The following IL1RAP variants were observed in gnomAD, a reference collection of about 807,000 sequenced individuals.
IL1RAP encodes the protein interleukin 1 receptor accessory protein.
In IL1RAP, 35 loss-of-function variants were observed where a neutral mutation model predicts 60.7. That is an observed-to-expected ratio of 0.58 (90% CI 0.44 to 0.76). The LOEUF is 0.76. Ranked by LOEUF, IL1RAP falls within the 30% of genes least tolerant of loss-of-function variation. The pLI is 0.00. For missense variants in IL1RAP, 572 were observed against 693.9 expected (o/e 0.82, Z 1.97); for synonymous variants, 268 against 250.9 (o/e 1.07, Z -0.64).
chr3:190,576,118 TGAA>T (rs1727421000), intron 3 of IL1RAP, among the ~76,000 whole-genome samples: 1 of 152,184 alleles, frequency 6.6e-6, no homozygotes, highest in East Asian at 1.9e-4. Context: ...AAATCGCAGT[TGAA>T]TTAAATATTT....
intron 3 of IL1RAP, among the ~76,000 whole-genome samples, chr3:190,572,867 T>TTTTTTTG (rs1427666448): frequency 3.2e-5 from 1 of 31,458 alleles, no homozygotes; most frequent in Non-Finnish European, 7.3e-5. Flanking sequence ...TTGTTTTTTT[T>TTTTTTTG]TTTTTTTTTT....
intron 1 of IL1RAP, among the ~76,000 whole-genome samples, chr3:190,519,764 T>A (rs1172454581): frequency 6.6e-6 from 1 of 152,176 alleles, no homozygotes; most frequent in East Asian, 1.9e-4. Flanking sequence ...ATTATTATTT[T>A]TTTTACTGTG....
At chr3:190,581,835 AC>A (rs1577652988) in intron 3 of IL1RAP, among the ~76,000 whole-genome samples, 1 of 152,220 alleles carries the variant, frequency 6.6e-6, no homozygotes, top group African/African-American at 2.4e-5. Context: ...ATGGTGAAGA[AC>A]AAATAGTCCC....
intron 3 of IL1RAP, among the ~76,000 whole-genome samples, chr3:190,575,823 C>T (rs556787124): frequency 6.6e-6 from 1 of 152,344 alleles, no homozygotes; most frequent in South Asian, 2.1e-4. Flanking sequence ...GTATGGCGGA[C>T]AAGGTCCTCT....
intron 2 of IL1RAP, among the ~76,000 whole-genome samples, chr3:190,559,020 T>G (rs1224337367): frequency 6.6e-6 from 1 of 152,208 alleles, no homozygotes; most frequent in Non-Finnish European, 1.5e-5. Flanking sequence ...AGCAGTATTG[T>G]GTTCCTTTCT....
intron 1 of IL1RAP, among the ~76,000 whole-genome samples, chr3:190,521,197 A>G (rs1721986281): frequency 1.3e-5 from 2 of 152,208 alleles, no homozygotes; most frequent in Admixed American, 6.5e-5. Flanking sequence ...CTAAATTAGA[A>G]AAAGAAAGAT....
In IL1RAP at chr3:190,650,177, A is replaced by G; in HGVS notation, c.*1472A>G. ...TGTCCAGTTTTTAAATTATGTTTTT[A>G]CTGGAATGTTTTTGTGTCAGTGTTT... is the stretch of plus-strand genomic sequence containing the variant. On this transcript the variant is annotated 3_prime_UTR_variant, in exon 12 of 12. Coordinates refer to ENST00000447382, the MANE Select transcript of IL1RAP (RefSeq NM_002182.4). 1.0e-6 allele frequency: 1 copy of G among 984,560 alleles called. No individual in the cohort carries two copies. Among genetic ancestry groups the G allele is most frequent in the Non-Finnish European group, 1.2e-6 (1 of 829,198 alleles). 61.0% of individuals were successfully genotyped at this position (984,560 alleles called of 1,614,324 possible).
intron 3 of IL1RAP, among the ~76,000 whole-genome samples, chr3:190,577,779 G>A (rs983446885): frequency 1.3e-5 from 2 of 152,082 alleles, no homozygotes; most frequent in Admixed American, 6.5e-5. Flanking sequence ...AGATCCTCCT[G>A]AGTGATCTTC....
intron 9 of IL1RAP, chr3:190,630,052 TTA>T (rs1380884488): frequency 2.1e-5 from 17 of 799,760 alleles, no homozygotes; most frequent in Non-Finnish European, 1.5e-6. Flanking sequence ...ATGCAACTAA[TTA>T]AGGTATTGAA....
chr3:190,606,857 G>A (rs1460058801), intron 4 of IL1RAP, among the ~76,000 whole-genome samples: 4 of 151,984 alleles, frequency 2.6e-5, no homozygotes, highest in Non-Finnish European at 5.9e-5. Flanking sequence ...AGTTAGTTTC[G>A]TCTTTCAGTA....
intron 3 of IL1RAP, among the ~76,000 whole-genome samples, chr3:190,591,556 G>A (rs1459383926): frequency 6.6e-6 from 1 of 152,164 alleles, no homozygotes; most frequent in Non-Finnish European, 1.5e-5. Context: ...CCTGAGGCCT[G>A]TATTTTCTGG....
chr3:190,537,149 GACAGAA>G (rs1645047618), intron 1 of IL1RAP, among the ~76,000 whole-genome samples: 1 of 152,118 alleles, frequency 6.6e-6, no homozygotes, highest in South Asian at 2.1e-4. Flanking sequence ...TGCTGATTTG[GACAGAA>G]ACAGAAACAA....
chr3:190,563,952 G>A (rs1726138709), intron 2 of IL1RAP: 1 of 204,088 alleles, frequency 4.9e-6, no homozygotes, highest in Non-Finnish European at 1.0e-5. Context: ...CCAGAAAGCT[G>A]GAGTTTGATC....
intron 3 of IL1RAP, among the ~76,000 whole-genome samples, chr3:190,565,988 CTT>C (rs950475416): frequency 3.2e-4 from 48 of 151,900 alleles, no homozygotes; most frequent in African/African-American, 1.1e-3. Flanking sequence ...TTCCTCTTCT[CTT>C]GTTTCCTCCT....
At chr3:190,654,901 C>G (rs1734561463), downstream of IL1RAP, among the ~76,000 whole-genome samples, 1 of 152,210 alleles carries the variant, frequency 6.6e-6, no homozygotes. Context: ...AGAACTTTCC[C>G]TTGGGATCTG....
intron 9 of IL1RAP, among the ~76,000 whole-genome samples, chr3:190,630,877 C>G (rs571627888): frequency 6.6e-6 from 1 of 152,270 alleles, no homozygotes; most frequent in South Asian, 2.1e-4. Flanking sequence ...AAAGTAGACA[C>G]AATAATACCA....
chr3:190,528,603 T>C (rs1355468237), intron 1 of IL1RAP, among the ~76,000 whole-genome samples: 1 of 152,116 alleles, frequency 6.6e-6, no homozygotes, highest in Non-Finnish European at 1.5e-5. Flanking sequence ...ACTGGTGAGA[T>C]ATAGAGAATT....
intron 9 of IL1RAP, among the ~76,000 whole-genome samples, chr3:190,636,190 C>T (rs760503918): frequency 2.0e-5 from 3 of 152,042 alleles, no homozygotes; most frequent in African/African-American, 4.8e-5. Context: ...TTTGTAGTTT[C>T]GAGTGGTGTC....
At chr3:190,641,995 G>A (rs2108849957) in intron 9 of IL1RAP, among the ~76,000 whole-genome samples, 1 of 152,248 alleles carries the variant, frequency 6.6e-6, no homozygotes, top group African/African-American at 2.4e-5. Flanking sequence ...TAATAATTTT[G>A]CACTGCTAAG....
Sources: gnomAD v4.1 joint callset for allele counts (sites outside exome capture counted in the v4.1 genomes callset) on GRCh38, gnomAD v4.1.1 for gene constraint, MANE v1.5 for transcripts, NCBI Gene and HGNC (gene_info 2026-07-23, HGNC 2026-07-21) for gene names.